ITGA4: variants seen among roughly 807,000 people sequenced by gnomAD.
ITGA4 encodes the protein integrin subunit alpha 4, also known as integrin alpha-4.
A neutral mutation model predicts 133.6 loss-of-function variants in ITGA4; 63 were observed. That is an observed-to-expected ratio of 0.47 (90% CI 0.38 to 0.58). The LOEUF is 0.58. Ranked by LOEUF, ITGA4 falls within the 20% of genes least tolerant of loss-of-function variation. ITGA4 has a pLI of 0.00. For synonymous variants in ITGA4, 483 were observed against 438.0 expected (o/e 1.10, Z -1.28); for missense variants, 1,076 against 1,252.7 (o/e 0.86, Z 2.13).
chr2:181,495,982 T>C lies in ITGA4; in HGVS notation c.1540+45T>C. 2.5e-6 allele frequency: 4 copies of C among 1,585,334 alleles called. No individual in the cohort carries two copies. Among genetic ancestry groups the C allele is most frequent in the Non-Finnish European group, 3.5e-6 (4 of 1,159,226 alleles). On this transcript the variant is annotated intron_variant, in intron 14 of 27. Transcript: ENST00000397033. The surrounding 1 kb of genome is among the most constrained non-coding windows in gnomAD (Gnocchi z 4.3). ...TTAATGCTTGATGGGGTGCGGTTCA[T>C]TCATTAATCCCACAATCCTGCTTGG...
intron 25 of ITGA4, 98 bp from the exon 26 acceptor site, chr2:181,534,174 G>A: frequency 1.4e-6 from 1 of 694,204 alleles, no homozygotes; most frequent in South Asian, 2.0e-5. Context: ...ATTGGGGAAG[G>A]TAAATTGTGA....
At chr2:181,509,086 G>A (rs1314726606) in intron 15 of ITGA4, among the ~76,000 whole-genome samples, 2 of 133,304 alleles carry the variant, frequency 1.5e-5, no homozygotes, top group African/African-American at 5.8e-5. Flanking sequence ...GAACTGTGGT[G>A]AGCTACACTT....
chr2:181,520,674 T>C (rs1218841482), intron 17 of ITGA4, among the ~76,000 whole-genome samples: 9 of 152,148 alleles, frequency 5.9e-5, no homozygotes, highest in Non-Finnish European at 1.3e-4. Context: ...ATCATGTCTT[T>C]ACTACCTCAG....
intron 17 of ITGA4, among the ~76,000 whole-genome samples, chr2:181,517,019 C>T (rs1244227237): frequency 6.6e-6 from 1 of 152,088 alleles, no homozygotes; most frequent in Non-Finnish European, 1.5e-5. Context: ...CCCTTAACCT[C>T]AGTGAGTTTG....
At chr2:181,525,896 C>CT (rs1686823115) in intron 21 of ITGA4, among the ~76,000 whole-genome samples, 1 of 152,176 alleles carries the variant, frequency 6.6e-6, no homozygotes, top group Non-Finnish European at 1.5e-5. Flanking sequence ...TAAAAGGGGG[C>CT]TTACGGAAAC....
Position 181,475,951 on chromosome 2 carries a change from A to G in ITGA4, c.556+663A>G. The G allele has an allele frequency of 1.5e-6, 2 of 1,375,264 alleles. 1 individual carries two copies. The highest frequency in any genetic ancestry group is 3.3e-5 in the South Asian group (2 of 59,752). 85.2% of individuals were successfully genotyped at this position (1,375,264 alleles called of 1,614,324 possible). A position where few individuals can be genotyped will look rare whatever the true frequency, so the allele number is the denominator to read the frequency against. Reference sequence around the variant, plus strand: ...AATGCGTCTTTAGGAGCTAAGAAACATATGAATGCAAATTCATAATTTTCT... The same window carrying G: ...AATGCGTCTTTAGGAGCTAAGAAACGTATGAATGCAAATTCATAATTTTCT... On this transcript the variant is annotated intron_variant, in intron 4 of 27. Coordinates refer to ENST00000397033, the MANE Select transcript of ITGA4 (RefSeq NM_000885.6).
In ITGA4 at chr2:181,529,559, A is replaced by G; in HGVS notation, c.2449A>G (p.Ser817Gly). Residue 817 changes from serine to glycine, a missense_variant, in exon 23 of 28, where the codon AGT (serine) becomes GGT (glycine). Coordinates refer to ENST00000397033, the MANE Select transcript of ITGA4 (RefSeq NM_000885.6). ...LTFHVINTGNSMAPNVSVEIM... is the reference protein window; with the variant it reads ...LTFHVINTGNGMAPNVSVEIM... Reference sequence around the variant, plus strand: ...TTATCAGGTTATCAACACTGGCAATAGTATGGCTCCCAATGTTAGTGTGGA... The same window carrying G: ...TTATCAGGTTATCAACACTGGCAATGGTATGGCTCCCAATGTTAGTGTGGA... 6 of 1,600,484 alleles carry G rather than the reference A, an allele frequency of 3.7e-6. No individual in the cohort carries two copies. Among genetic ancestry groups the G allele is most frequent in the Non-Finnish European group, 5.1e-6 (6 of 1,168,446 alleles).
intron 2 of ITGA4, among the ~76,000 whole-genome samples, chr2:181,466,036 A>G (rs1452407785): frequency 6.6e-6 from 1 of 152,182 alleles, no homozygotes; most frequent in East Asian, 1.9e-4. Context: ...AATTATGCTT[A>G]CAAAATGTAT....
intron 25 of ITGA4, among the ~76,000 whole-genome samples, chr2:181,532,379 A>G (rs1021130776): frequency 6.6e-6 from 1 of 152,150 alleles, no homozygotes; most frequent in Non-Finnish European, 1.5e-5. Flanking sequence ...GATTCTTCCT[A>G]TCCATGAGCA....
At chr2:181,506,354 T>A (rs934650539) in intron 15 of ITGA4, among the ~76,000 whole-genome samples, 4 of 152,100 alleles carry the variant, frequency 2.6e-5, no homozygotes, top group Non-Finnish European at 5.9e-5. Context: ...TGTCATTTAA[T>A]CATCACAACA....
intron 15 of ITGA4, 111 bp downstream of exon 15, chr2:181,498,888 C>A (rs1271558128): frequency 7.2e-7 from 1 of 1,396,712 alleles, no homozygotes; most frequent in Non-Finnish European, 9.3e-7. Flanking sequence ...GCAACTGTTA[C>A]CCCTCCTGAA....
chr2:181,507,337 A>T (rs1686413880), intron 15 of ITGA4, among the ~76,000 whole-genome samples: 1 of 152,068 alleles, frequency 6.6e-6, no homozygotes, highest in Non-Finnish European at 1.5e-5. Flanking sequence ...GACATGTCTT[A>T]CTTTAGGTTT....
At chr2:181,510,807 G>A (rs1686491473) in intron 16 of ITGA4, among the ~76,000 whole-genome samples, 1 of 151,932 alleles carries the variant, frequency 6.6e-6, no homozygotes, top group Non-Finnish European at 1.5e-5. Context: ...GTCTTTAATA[G>A]TGAAAATCTC....
intron 17 of ITGA4, among the ~76,000 whole-genome samples, chr2:181,520,389 G>C (rs1483604779): frequency 6.6e-6 from 1 of 151,984 alleles, no homozygotes; most frequent in Non-Finnish European, 1.5e-5. Flanking sequence ...TGAAGCAGGG[G>C]CCAACTCTGG....
chr2:181,518,241 C>A (rs927203454), intron 17 of ITGA4, among the ~76,000 whole-genome samples: 67 of 152,158 alleles, frequency 4.4e-4, no homozygotes, highest in Middle Eastern at 3.4e-3. Context: ...TGCAGTGATA[C>A]CCAGGGTTTG....
At chr2:181,531,137 T>C (rs752559105) in intron 24 of ITGA4, among the ~76,000 whole-genome samples, 4 of 151,698 alleles carry the variant, frequency 2.6e-5, no homozygotes, top group African/African-American at 9.7e-5. Flanking sequence ...AAAAATGTTA[T>C]ACAGTTTCAT....
At chr2:181,484,269 T>C (rs1685865903) in intron 9 of ITGA4, among the ~76,000 whole-genome samples, 1 of 152,172 alleles carries the variant, frequency 6.6e-6, no homozygotes, top group African/African-American at 2.4e-5. Context: ...CAAGAAAGAA[T>C]GATACTTGAG....
intron 15 of ITGA4, among the ~76,000 whole-genome samples, chr2:181,501,305 T>G (rs2105749490): frequency 6.6e-6 from 1 of 152,176 alleles, no homozygotes; most frequent in South Asian, 2.1e-4. Context: ...GCCTCAAGAA[T>G]GTACCTGGTT....
chr2:181,510,525 TA>T (rs1191097604), intron 16 of ITGA4, among the ~76,000 whole-genome samples: 1 of 152,078 alleles, frequency 6.6e-6, no homozygotes, highest in African/African-American at 2.4e-5. Flanking sequence ...AAGCCTTCAT[TA>T]AAATGTTCAC....
Sources: allele counts gnomAD v4.1 joint callset (sites outside exome capture counted in the v4.1 genomes callset), GRCh38; gene constraint gnomAD v4.1.1; non-coding constraint Gnocchi (gnomAD v3.1); transcripts MANE v1.5; gene names NCBI Gene and HGNC (gene_info 2026-07-23, HGNC 2026-07-21).